RPL4: variants seen among roughly 807,000 people sequenced by gnomAD.
The protein encoded by RPL4 is large ribosomal subunit protein uL4.
Under a neutral mutation model 47.7 loss-of-function variants are expected in RPL4, and 3 were observed. That is an observed-to-expected ratio of 0.06 (90% CI 0.03 to 0.16). The LOEUF is 0.16. Among genes scored for constraint, RPL4 ranks in the 10% least tolerant of loss-of-function variants. The pLI, the probability that RPL4 is intolerant of heterozygous loss-of-function variation, is 1.00. For missense variants in RPL4, 413 were observed against 551.3 expected, an observed-to-expected ratio of 0.75 and a Z score of 2.51; for synonymous variants, 208 against 182.1, an observed-to-expected ratio of 1.14 and a Z score of -1.15.
chr15:66,503,909 C>T (rs189576667), intron 1 of RPL4, among the ~76,000 whole-genome samples: 8 of 152,278 alleles, frequency 5.3e-5, no homozygotes, highest in Non-Finnish European at 8.8e-5. Context: ...CTACTAAACA[C>T]GTGTTTCCAA....
chr15:66,499,945 C>A, intron 9 of RPL4, 111 bp downstream of exon 9: 2 of 1,341,920 alleles, frequency 1.5e-6, no homozygotes, highest in Admixed American at 4.5e-5. Context: ...ACTGCTTGAA[C>A]TTGGTAGGTG....
rs767593142 is a variant in RPL4 at position 66,503,539 on chromosome 15, A to C, written c.4-10T>G. On this transcript the variant is annotated splice_polypyrimidine_tract_variant and intron_variant, in intron 1 of 9. Transcript: ENST00000307961. ...GTGGGCGAGCACACGCCTAAAGAAA[A>C]AGACAAGGATTATTTTTATTGACAA... 3.8e-6 allele frequency: 6 copies of C among 1,578,572 alleles called. No homozygotes were observed. In the Admixed American group the frequency reaches 9.1e-5, roughly 24 times the overall value.
chr15:66,499,840 T>C (rs1333107144), intron 9 of RPL4, 188 bp from the exon 10 acceptor site: 13 of 904,382 alleles, frequency 1.4e-5, no homozygotes, highest in Non-Finnish European at 1.8e-5. Flanking sequence ...CCTAACAATA[T>C]AGTGACACCC....
intron 1 of RPL4, 116 bp from the exon 2 acceptor site, chr15:66,503,645 CAAACAACCCTT>C (rs1428435555): frequency 1.5e-5 from 16 of 1,073,674 alleles, no homozygotes; most frequent in African/African-American, 3.2e-5. Flanking sequence ...TATGGTGAGG[CAAACAACCCTT>C]AAACCAAAAT....
chr15:66,500,649 G>A, intron 7 of RPL4: 1 of 542,662 alleles, frequency 1.8e-6, no homozygotes, highest in South Asian at 2.1e-5. Context: ...GGGTGTGGTG[G>A]CACAAGCCTG....
At position 66,501,500 on chromosome 15, in the gene RPL4, T is replaced by C. The variant is rs146017997; in HGVS notation, c.551A>G (p.Tyr184Cys). 5.1e-5 allele frequency: 82 copies of C among 1,614,170 alleles called. No homozygotes were observed. The highest frequency in any genetic ancestry group is 1.3e-4 in the African/African-American group (10 of 75,056). The change falls in exon 6 of 10, where the codon TAT (tyrosine) becomes TGT (cysteine). Residue 184 changes from tyrosine to cysteine, a missense_variant. Tyr to Cys is a radical substitution (Grantham distance 194). This residue lies in a region of RPL4 where 214 missense variants were observed against 304.2 expected (regional missense o/e 0.70). Coordinates refer to ENST00000307961, the MANE Select transcript of RPL4 (RefSeq NM_000968.4). ...LKAWNDIKKVYASQRMRAGKG... is the reference protein window; with the variant it reads ...LKAWNDIKKVCASQRMRAGKG... ...GCCAGCTCTCATTCGCTGAGAGGCA[T>C]AGACCTACAAAGTGAGCAGTTTTAG... is the stretch of plus-strand genomic sequence containing the variant.
intron 3 of RPL4, 108 bp from the exon 4 acceptor site, chr15:66,502,858 G>C (rs1893649653): frequency 6.5e-7 from 1 of 1,528,866 alleles, no homozygotes; most frequent in Non-Finnish European, 9.1e-7. Context: ...CTTACTGACA[G>C]CAGGCAACTG....
chr15:66,500,028 C>T, intron 9 of RPL4, 28 bp downstream of exon 9: 1 of 1,603,144 alleles, frequency 6.2e-7, no homozygotes, highest in Non-Finnish European at 8.5e-7. Flanking sequence ...GACTCAAAAA[C>T]AAACAAACAA....
chr15:66,500,589 T>C (rs1472416569), intron 7 of RPL4: 1 of 572,378 alleles, frequency 1.7e-6, no homozygotes, highest in South Asian at 2.1e-5. Flanking sequence ...AGGTCAGGAG[T>C]TCCAGACCAG....
Position 66,502,661 on chromosome 15 carries a change from G to C in RPL4, c.372C>G (p.Ile124Met). ...RVNTTQKRYA[I>M]CSALAASALP... ...GGGCTGAGGCAGCCAGGGCAGAACA[G>C]ATGGCGTATCGTTTTTGGGTTGTGT... Residue 124 changes from isoleucine (I) to methionine (M), a missense_variant, in exon 4 of 10, where the codon ATC becomes ATG. Ile to Met is a conservative substitution (Grantham distance 10). Coordinates refer to ENST00000307961, the MANE Select transcript of RPL4 (RefSeq NM_000968.4). 2.5e-6 allele frequency: 4 copies of C among 1,613,450 alleles called. No individual in the cohort carries two copies. The highest frequency in any genetic ancestry group is 3.4e-6 in the Non-Finnish European group (4 of 1,179,866).
intron 9 of RPL4, 198 bp downstream of exon 9, chr15:66,499,858 A>G (rs1481145252): frequency 1.1e-6 from 1 of 910,436 alleles, no homozygotes; most frequent in Non-Finnish European, 1.6e-6. Flanking sequence ...CCCCGTCTCT[A>G]CTGAAAATAC....
chr15:66,500,362 T>C lies in RPL4; in HGVS notation c.848A>G (p.Lys283Arg). 2 of 1,614,098 alleles carry C rather than the reference T, an allele frequency of 1.2e-6. No individual in the cohort carries two copies. Among genetic ancestry groups the C allele is most frequent in the East Asian group, 2.2e-5 (1 of 44,886 alleles). Residue 283 changes from lysine (K) to arginine (R), a missense_variant, in exon 8 of 10, where the codon AAG becomes AGG. By Grantham distance (26) the Lys-to-Arg change is conservative (BLOSUM62 2). Transcript: ENST00000307961. ...TCTGCTAAGATCTGTATTAATCATC[T>C]TGTGCATGGGAAGACTGAAAGGGAA... is the stretch of plus-strand genomic sequence containing the variant. The part of the protein sequence containing the change: ...LKSNYNLPMH[K>R]MINTDLSRIL...
At chr15:66,504,319 A>C (rs907485430) in intron 1 of RPL4, among the ~76,000 whole-genome samples, 3 of 152,212 alleles carry the variant, frequency 2.0e-5, no homozygotes, top group Admixed American at 6.5e-5. Context: ...CCGGCACACA[A>C]CACTACATAG....
chr15:66,504,273 A>C (rs1034274452), intron 1 of RPL4, among the ~76,000 whole-genome samples: 1 of 152,178 alleles, frequency 6.6e-6, no homozygotes, highest in Non-Finnish European at 1.5e-5. Flanking sequence ...CTACCATCCC[A>C]GTCAGGACAG....
chr15:66,501,452 C>T lies in RPL4; in HGVS notation c.599G>A (p.Arg200His), dbSNP rs934058990. 16 of 1,614,114 alleles carry T rather than the reference C, an allele frequency of 9.9e-6. No homozygotes were observed. The highest frequency in any genetic ancestry group is 1.3e-5 in the Non-Finnish European group (15 of 1,180,034). Reference protein sequence around the residue: ...RAGKGKMRNRRRIQRRGPCII... With the variant: ...RAGKGKMRNRHRIQRRGPCII... ...GCACGGGCCCCTGCGCTGGATACGG[C>T]GACGGTTTCTCATTTTGCCTTTGCC... is the stretch of plus-strand genomic sequence containing the variant. Residue 200 changes from arginine to histidine, a missense_variant, in exon 6 of 10, where the codon CGC becomes CAC. Transcript: ENST00000307961.
chr15:66,502,160 A>G (rs918181993), intron 4 of RPL4: 8 of 623,124 alleles, frequency 1.3e-5, no homozygotes, highest in African/African-American at 5.4e-5. Context: ...AGGATATACT[A>G]AACTACTACT....
chr15:66,498,294 C>T lies in RPL4; in HGVS notation c.*1113G>A, dbSNP rs548229113. 6.5e-6 allele frequency: 1 copy of T among 152,762 alleles called. No homozygotes were observed. The highest frequency in any genetic ancestry group is 2.4e-5 in the African/African-American group (1 of 41,564). 9.5% of individuals were successfully genotyped at this position (152,762 alleles called of 1,614,324 possible). Reference sequence around the variant, plus strand: ...TAAAGAGCATGAAAATAAAGCCGTGCTAAGAAACGACGTGCTTAAGAACTG... The same window carrying T: ...TAAAGAGCATGAAAATAAAGCCGTGTTAAGAAACGACGTGCTTAAGAACTG... On this transcript the variant is annotated 3_prime_UTR_variant, in exon 10 of 10. Transcript: ENST00000307961.
At position 66,504,826 on chromosome 15, in the gene RPL4, C is replaced by T. The variant is rs761595982; in HGVS notation, c.-36G>A. 1 of 1,608,904 alleles carries T rather than the reference C, an allele frequency of 6.2e-7. No individual in the cohort carries two copies. The highest frequency in any genetic ancestry group is 8.5e-7 in the Non-Finnish European group (1 of 1,178,316). ...GGAGACAGCCACGCTCCTCTCAGCC[C>T]GGCTGCTGCCACAGGAAAAGGAAGT... On this transcript the variant is annotated 5_prime_UTR_variant, in exon 1 of 10. Transcript: ENST00000307961.
intron 9 of RPL4, 88 bp from the exon 10 acceptor site, chr15:66,499,740 C>A: frequency 6.4e-7 from 1 of 1,568,802 alleles, no homozygotes; most frequent in African/African-American, 1.4e-5. Flanking sequence ...ACAAAACAAA[C>A]CAGCCGGGCA....
Sources: allele counts gnomAD v4.1 joint callset (sites outside exome capture counted in the v4.1 genomes callset), GRCh38; gene constraint gnomAD v4.1.1; regional missense constraint gnomAD v4.1.1; transcripts MANE v1.5; gene names NCBI Gene and HGNC (gene_info 2026-07-23, HGNC 2026-07-21).